The following MARCHF1 variants were observed in gnomAD, a reference collection of about 807,000 sequenced individuals.
The protein encoded by MARCHF1 is membrane associated ring-CH-type finger 1.
In MARCHF1, 40 loss-of-function variants were observed where a neutral mutation model predicts 54.2. The observed-to-expected ratio is 0.74, with a 90% CI of 0.57 to 0.96. The LOEUF (loss-of-function observed/expected upper bound fraction) is 0.96. Ranked by LOEUF, MARCHF1 falls within the 40% of genes least tolerant of loss-of-function variation. The pLI is 0.00. For missense variants in MARCHF1, 586 were observed against 656.5 expected, an observed-to-expected ratio of 0.89 and a Z score of 1.17; for synonymous variants, 236 against 236.3, an observed-to-expected ratio of 1.00 and a Z score of 0.01.
intron 4 of MARCHF1, among the ~76,000 whole-genome samples, chr4:163,742,168 C>T (rs997640747): frequency 3.3e-5 from 5 of 152,090 alleles, no homozygotes; most frequent in Admixed American, 2.0e-4. Flanking sequence ...GGGAAATACT[C>T]CATGATCTTC....
intron 8 of MARCHF1, among the ~76,000 whole-genome samples, chr4:163,562,326 CA>C (rs1739498127): frequency 3.3e-5 from 5 of 151,704 alleles, no homozygotes; most frequent in African/African-American, 9.7e-5. Flanking sequence ...CAAAACAAAA[CA>C]AAACCCAACA....
intron 1 of MARCHF1, among the ~76,000 whole-genome samples, chr4:164,202,774 G>T (rs532224443): frequency 5.3e-5 from 8 of 152,024 alleles, no homozygotes; most frequent in Non-Finnish European, 1.2e-4. Context: ...ATTTGCTTAC[G>T]CCATTTCATA....
intron 2 of MARCHF1, among the ~76,000 whole-genome samples, chr4:164,057,281 C>T (rs192628467): frequency 6.6e-6 from 1 of 152,244 alleles, no homozygotes; most frequent in Non-Finnish European, 1.5e-5. Flanking sequence ...ATAAGAATAT[C>T]CACCAATTAA....
intron 4 of MARCHF1, among the ~76,000 whole-genome samples, chr4:163,786,977 A>G (rs936686411): frequency 6.6e-6 from 1 of 151,968 alleles, no homozygotes; most frequent in African/African-American, 2.4e-5. Context: ...CCAATACTAC[A>G]TACAGGAAAG....
At chr4:164,326,296 G>T (rs1735279337) in intron 1 of MARCHF1, among the ~76,000 whole-genome samples, 1 of 152,166 alleles carries the variant, frequency 6.6e-6, no homozygotes, top group South Asian at 2.1e-4. Flanking sequence ...AAAATGACTA[G>T]TTTTTATGAT....
intron 3 of MARCHF1, among the ~76,000 whole-genome samples, chr4:163,926,568 A>G (rs749163347): frequency 6.6e-6 from 1 of 151,588 alleles, no homozygotes; most frequent in Non-Finnish European, 1.5e-5. Context: ...CTTCTCCAAA[A>G]TGGTTTTATC....
intron 1 of MARCHF1, among the ~76,000 whole-genome samples, chr4:164,177,979 C>T (rs1392145611): frequency 1.3e-5 from 2 of 152,124 alleles, no homozygotes; most frequent in African/African-American, 4.8e-5. Context: ...AACAATTTGA[C>T]AATCCGTCCT....
intron 2 of MARCHF1, among the ~76,000 whole-genome samples, chr4:164,034,929 A>G (rs1753961638): frequency 6.6e-6 from 1 of 152,158 alleles, no homozygotes; most frequent in African/African-American, 2.4e-5. Context: ...GGATTCCCCT[A>G]CAGGTCTCTT....
intron 4 of MARCHF1, among the ~76,000 whole-genome samples, chr4:163,845,460 T>TAC (rs10611765): frequency 0.026 from 3,532 of 137,536 alleles, 40 homozygotes; most frequent in South Asian, 0.052. Context: ...GCACCTCAGT[T>TAC]ACACACACAC....
intron 5 of MARCHF1, among the ~76,000 whole-genome samples, chr4:163,632,399 C>G (rs1254335976): frequency 6.6e-6 from 1 of 152,132 alleles, no homozygotes; most frequent in African/African-American, 2.4e-5. Context: ...GCACTGTGCG[C>G]CAGCCGAAGC....
chr4:164,105,381 G>C (rs1055086631), intron 2 of MARCHF1, among the ~76,000 whole-genome samples: 4 of 151,214 alleles, frequency 2.6e-5, no homozygotes, highest in African/African-American at 7.3e-5. Context: ...CAAGGCTGCA[G>C]TAACAAAACA....
At chr4:163,612,150 T>C (rs1741362586) in intron 7 of MARCHF1, 121 bp downstream of exon 7, 2 of 870,772 alleles carry the variant, frequency 2.3e-6, no homozygotes, top group Non-Finnish European at 1.6e-6. Flanking sequence ...TTATATCCAA[T>C]CAGAAAAAGA....
chr4:163,560,922 T>C (rs1457948709), intron 8 of MARCHF1, among the ~76,000 whole-genome samples: 2 of 152,294 alleles, frequency 1.3e-5, no homozygotes, highest in South Asian at 4.1e-4. Flanking sequence ...TTTTGGTAGA[T>C]TCCATCATAT....
At chr4:163,614,090 C>A (rs1370410351) in intron 5 of MARCHF1, among the ~76,000 whole-genome samples, 1 of 151,966 alleles carries the variant, frequency 6.6e-6, no homozygotes, top group Non-Finnish European at 1.5e-5. Context: ...TTGACTTTAA[C>A]CTGTTGTATT....
At chr4:163,788,662 T>C (rs1368298087) in intron 4 of MARCHF1, among the ~76,000 whole-genome samples, 3 of 152,028 alleles carry the variant, frequency 2.0e-5, no homozygotes, top group African/African-American at 4.8e-5. Flanking sequence ...GTGAAGGGCC[T>C]TTCTCACTGC....
intron 3 of MARCHF1, among the ~76,000 whole-genome samples, chr4:163,901,755 T>C (rs547563360): frequency 1.3e-5 from 2 of 152,316 alleles, no homozygotes; most frequent in Admixed American, 1.3e-4. Flanking sequence ...GCAAAATTTA[T>C]GGAAACAACC....
chr4:164,051,675 C>T (rs921579318), intron 2 of MARCHF1, among the ~76,000 whole-genome samples: 4 of 152,132 alleles, frequency 2.6e-5, no homozygotes, highest in African/African-American at 9.7e-5. Flanking sequence ...GAACATATAA[C>T]TACAAAGTAG....
intron 5 of MARCHF1, among the ~76,000 whole-genome samples, chr4:163,639,274 G>T (rs1742469107): frequency 6.6e-6 from 1 of 152,098 alleles, no homozygotes; most frequent in Non-Finnish European, 1.5e-5. Flanking sequence ...ATATCAGGTT[G>T]TAATTTTTAT....
chr4:163,585,562 CAT>C (rs912427971), intron 8 of MARCHF1, 185 bp downstream of exon 8: 4 of 425,870 alleles, frequency 9.4e-6, no homozygotes, highest in Non-Finnish European at 1.7e-5. Flanking sequence ...GAATATAAAA[CAT>C]AGAAGAAAGG....
Sources: gnomAD v4.1 joint callset for allele counts (sites outside exome capture counted in the v4.1 genomes callset) on GRCh38, gnomAD v4.1.1 for gene constraint, MANE v1.5 for transcripts, NCBI Gene and HGNC (gene_info 2026-07-23, HGNC 2026-07-21) for gene names.